The following ZAP70 variants were observed in gnomAD, a reference collection of about 807,000 sequenced individuals.
ZAP70 encodes tyrosine-protein kinase ZAP-70.
Under a neutral mutation model 65.8 loss-of-function variants are expected in ZAP70, and 27 were observed. The observed-to-expected ratio is 0.41, with a 90% confidence interval of 0.30 to 0.57. The LOEUF is 0.57. ZAP70 is among the 20% of genes least tolerant of loss of function. The pLI is 0.28. For missense variants in ZAP70, 696 were observed against 870.5 expected, an observed-to-expected ratio of 0.80 and a Z score of 2.52; for synonymous variants, 363 against 360.8, an observed-to-expected ratio of 1.01 and a Z score of -0.07.
chr2:97,738,336 G>C, intron 13 of ZAP70: 1 of 589,736 alleles, frequency 1.7e-6, no homozygotes, highest in Non-Finnish European at 3.0e-6. Context: ...GTGGGCCTGT[G>C]CCTCAGCATC....
chr2:97,737,392 G>C lies in ZAP70; in HGVS notation c.1290-81G>C. ...CACATGGTCACCTGGCTCATGCCCA[G>C]CTGGGTCAGAGAAGCATGCTTTGCC... On this transcript the variant is annotated intron_variant, in intron 10 of 13. Coordinates refer to ENST00000264972, the MANE Select transcript of ZAP70 (RefSeq NM_001079.4). The surrounding 1 kb of genome is among the most constrained non-coding windows in gnomAD (Gnocchi z 5.0). 1 of 1,492,748 alleles carries C rather than the reference G, an allele frequency of 6.7e-7. No homozygotes were observed. Among genetic ancestry groups the C allele is most frequent in the Non-Finnish European group, 9.3e-7 (1 of 1,073,254 alleles). 92.5% of individuals were successfully genotyped at this position (1,492,748 alleles called of 1,614,324 possible). A position where few individuals can be genotyped will look rare whatever the true frequency, so the allele number is the denominator to read the frequency against.
chr2:97,720,216 TTTTTG>T (rs570370321), intron 2 of ZAP70, among the ~76,000 whole-genome samples: 9 of 152,004 alleles, frequency 5.9e-5, no homozygotes, highest in South Asian at 4.2e-4. Flanking sequence ...TTCATGGGTT[TTTTTG>T]TTTTGTTTTG....
At chr2:97,716,827 T>A (rs11683207) in intron 2 of ZAP70, among the ~76,000 whole-genome samples, 1 of 151,908 alleles carries the variant, frequency 6.6e-6, no homozygotes, top group Non-Finnish European at 1.5e-5. Flanking sequence ...GAAGAGGATG[T>A]GATGGCATGA....
chr2:97,726,844 A>G (rs1677406807), intron 4 of ZAP70, among the ~76,000 whole-genome samples: 1 of 152,240 alleles, frequency 6.6e-6, no homozygotes, highest in Non-Finnish European at 1.5e-5. Context: ...AAACCTTTGC[A>G]TTTGTATCAG....
chr2:97,725,355 T>A, intron 4 of ZAP70, 103 bp downstream of exon 4: 1 of 1,428,178 alleles, frequency 7.0e-7, no homozygotes, highest in Non-Finnish European at 9.7e-7. Context: ...CGTAAGGGTG[T>A]CCCTGTGCTC....
At chr2:97,718,053 TGGGGTCAGCCTAGGGAGAACCATAG>T (rs1391753697) in intron 2 of ZAP70, among the ~76,000 whole-genome samples, 3 of 152,192 alleles carry the variant, frequency 2.0e-5, no homozygotes, top group African/African-American at 4.8e-5. Flanking sequence ...GGAAGCTGAC[TGGGGTCAGCCTAGGGAGAACCATAG>T]GCCAGGCTTG....
chr2:97,721,580 A>ATTT (rs796509420), intron 2 of ZAP70, among the ~76,000 whole-genome samples: 74 of 81,168 alleles, frequency 9.1e-4, no homozygotes, highest in Non-Finnish European at 1.3e-3. Context: ...TGGCTGGCTG[A>ATTT]TTTTTTTTTT....
the ZAP70 span, among the ~76,000 whole-genome samples, chr2:97,750,647 A>G: frequency 6.6e-6 from 1 of 152,254 alleles, no homozygotes; most frequent in East Asian, 1.9e-4. Flanking sequence ...GAGCGCCTCC[A>G]GGTAATGGGC....
At chr2:97,734,392 C>A in intron 8 of ZAP70, 128 bp from the exon 9 acceptor site, 2 of 1,449,064 alleles carry the variant, frequency 1.4e-6, no homozygotes, top group Non-Finnish European at 1.8e-6. Context: ...CACGCATGGG[C>A]ACCCACCTGC....
At chr2:97,726,916 C>T (rs1329386938) in intron 4 of ZAP70, among the ~76,000 whole-genome samples, 1 of 152,236 alleles carries the variant, frequency 6.6e-6, no homozygotes, top group Non-Finnish European at 1.5e-5. Flanking sequence ...CAGTTTATTG[C>T]TCTTCATGAT....
downstream of ZAP70, among the ~76,000 whole-genome samples, chr2:97,743,018 T>C (rs1169496639): frequency 1.3e-5 from 2 of 152,296 alleles, no homozygotes; most frequent in East Asian, 3.9e-4. Flanking sequence ...AATCAAGGCA[T>C]GGAAGCCCTG....
chr2:97,720,321 G>A, intron 2 of ZAP70, among the ~76,000 whole-genome samples: 1 of 152,046 alleles, frequency 6.6e-6, no homozygotes, highest in Non-Finnish European at 1.5e-5. Context: ...TCCACCTCCT[G>A]GGTTCAAGCG....
At chr2:97,752,591 A>G in the ZAP70 span, among the ~76,000 whole-genome samples, 2 of 152,210 alleles carry the variant, frequency 1.3e-5, no homozygotes, top group Admixed American at 1.3e-4. Flanking sequence ...CAGCCCAAAC[A>G]CTGCCATTAG....
intron 2 of ZAP70, among the ~76,000 whole-genome samples, chr2:97,722,818 C>A (rs1000653275): frequency 6.6e-6 from 1 of 152,318 alleles, no homozygotes; most frequent in African/African-American, 2.4e-5. Flanking sequence ...GTTCGTCCAT[C>A]GGTCAGTGTT....
At chr2:97,718,320 C>T (rs1677026362) in intron 2 of ZAP70, among the ~76,000 whole-genome samples, 1 of 152,192 alleles carries the variant, frequency 6.6e-6, no homozygotes, top group Non-Finnish European at 1.5e-5. Flanking sequence ...TGACAGCAGA[C>T]ACTCCGGCTA....
At chr2:97,724,635 C>T in intron 3 of ZAP70, 197 bp downstream of exon 3, 1 of 1,532,734 alleles carries the variant, frequency 6.5e-7, no homozygotes, top group African/African-American at 1.4e-5. Flanking sequence ...TGGCGGTCGC[C>T]TTCCGCAGGC....
At chr2:97,716,707 G>A (rs938768312) in intron 2 of ZAP70, among the ~76,000 whole-genome samples, 5 of 152,174 alleles carry the variant, frequency 3.3e-5, no homozygotes, top group African/African-American at 1.2e-4. Flanking sequence ...GGCTGGAGGG[G>A]AGTGAGTGGC....
chr2:97,727,369 G>C (rs998746402), intron 4 of ZAP70, among the ~76,000 whole-genome samples: 1 of 152,248 alleles, frequency 6.6e-6, no homozygotes, highest in Non-Finnish European at 1.5e-5. Flanking sequence ...TGGACTGTCA[G>C]CCTGAGGGCA....
Position 97,733,279 on chromosome 2 carries a change from T to A in ZAP70, c.791-18T>A. The stretch of plus-strand genomic sequence containing the variant: ...GAGACCTGGCCCCCAGCCCTCACTG[T>A]CCCTTCTGCTCCCCCAGGGGCTGCT... On this transcript the variant is annotated intron_variant, in intron 6 of 13. Transcript: ENST00000264972. 1.9e-6 allele frequency: 3 copies of A among 1,607,516 alleles called. No homozygotes were observed. The highest frequency in any genetic ancestry group is 2.5e-6 in the Non-Finnish European group (3 of 1,176,496).
Sources: allele counts gnomAD v4.1 joint callset (sites outside exome capture counted in the v4.1 genomes callset), GRCh38; gene constraint gnomAD v4.1.1; non-coding constraint Gnocchi (gnomAD v3.1); transcripts MANE v1.5; gene names NCBI Gene and HGNC (gene_info 2026-07-23, HGNC 2026-07-21).